The following SCFD1 variants were observed in gnomAD, a reference collection of about 807,000 sequenced individuals.
SCFD1 encodes sec1 family domain-containing protein 1.
SCFD1 carries 37 observed loss-of-function variants against 103.2 expected under a neutral mutation model. That is an observed-to-expected ratio of 0.36 (90% confidence interval 0.28 to 0.47). SCFD1 has a LOEUF of 0.47. Among genes scored for constraint, SCFD1 ranks in the 20% least tolerant of loss-of-function variants. The pLI is 1.00. For synonymous variants in SCFD1, 264 were observed against 245.0 expected (o/e 1.08, Z -0.73); for missense variants, 639 against 761.2 (o/e 0.84, Z 1.89).
upstream of SCFD1, chr14:30,622,291 AT>A: frequency 6.3e-7 from 1 of 1,591,576 alleles, no homozygotes; most frequent in Non-Finnish European, 8.5e-7. Context: ...CAGCCACGTC[AT>A]CCCCCCGCTC....
At chr14:30,717,209 C>T (rs1181211870) in intron 20 of SCFD1, among the ~76,000 whole-genome samples, 2 of 152,152 alleles carry the variant, frequency 1.3e-5, no homozygotes, top group Non-Finnish European at 2.9e-5. Flanking sequence ...GGCATGTTTG[C>T]TTATGCCTGT....
intron 14 of SCFD1, chr14:30,676,780 AAAG>A: frequency 1.3e-5 from 2 of 152,166 alleles, no homozygotes; most frequent in African/African-American, 2.4e-5. Flanking sequence ...GTTTTAAAAT[AAAG>A]AAGACTGTGG....
intron 10 of SCFD1, among the ~76,000 whole-genome samples, chr14:30,656,400 C>T (rs1422942687): frequency 6.6e-6 from 1 of 152,130 alleles, no homozygotes; most frequent in Non-Finnish European, 1.5e-5. Context: ...GATTTCTCAA[C>T]CTTGGCATTA....
At chr14:30,677,942 C>A (rs748548435) in intron 14 of SCFD1, among the ~76,000 whole-genome samples, 1 of 144,660 alleles carries the variant, frequency 6.9e-6, no homozygotes, top group African/African-American at 2.6e-5. Context: ...TGGGTTCAAG[C>A]GATTCTTCTG....
intron 11 of SCFD1, among the ~76,000 whole-genome samples, chr14:30,670,794 A>G (rs1888466319): frequency 2.6e-5 from 4 of 152,088 alleles, no homozygotes; most frequent in African/African-American, 9.6e-5. Flanking sequence ...ACTTGTGGAG[A>G]GAGTACCTAA....
In SCFD1 at chr14:30,653,481, AT is replaced by A; in HGVS notation, c.756-5del. 1 of 1,588,450 alleles carries A rather than the reference AT, an allele frequency of 6.3e-7. No individual in the cohort carries two copies. Among genetic ancestry groups the A allele is most frequent in the South Asian group, 1.1e-5 (1 of 89,938 alleles). On this transcript the variant is annotated splice_region_variant and splice_polypyrimidine_tract_variant and intron_variant, in intron 9 of 24. Coordinates refer to ENST00000458591, the MANE Select transcript of SCFD1 (RefSeq NM_016106.4). The stretch of plus-strand genomic sequence containing the variant: ...AGTTATGTAATTTTTTTATATGTAT[AT>A]TTACAGCTTCCAGAGGCCCTTATTA...
At chr14:30,640,739 C>A (rs1885189142) in intron 6 of SCFD1, among the ~76,000 whole-genome samples, 1 of 151,922 alleles carries the variant, frequency 6.6e-6, no homozygotes, top group Non-Finnish European at 1.5e-5. Context: ...ATAATTCTAA[C>A]AAGCAAAATC....
intron 20 of SCFD1, among the ~76,000 whole-genome samples, chr14:30,717,406 G>A (rs1371922703): frequency 6.6e-6 from 1 of 152,150 alleles, no homozygotes; most frequent in Non-Finnish European, 1.5e-5. Context: ...GAGCTCAGGA[G>A]GTTGAGGCTA....
intron 14 of SCFD1, among the ~76,000 whole-genome samples, chr14:30,690,621 T>C (rs1010249982): frequency 2.7e-5 from 4 of 146,128 alleles, no homozygotes; most frequent in Non-Finnish European, 5.9e-5. Flanking sequence ...GGGAACTCCC[T>C]GACCCCTTGC....
Position 30,652,867 on chromosome 14 carries a change from A to G in SCFD1, c.756-622A>G, listed in dbSNP as rs539652259. ...CTAAAAAAAATTTAAAAATTAGCCA[A>G]GAGTGGTGGTGCACACCTGGAGTCT... On this transcript the variant is annotated intron_variant, in intron 9 of 24. Coordinates refer to ENST00000458591, the MANE Select transcript of SCFD1 (RefSeq NM_016106.4). Among the ~76,000 whole-genome samples, 7 of 152,124 alleles carry G rather than the reference A, an allele frequency of 4.6e-5. No individual in the cohort carries two copies. In the South Asian group the frequency reaches 1.0e-3, roughly 23 times the overall value.
At chr14:30,702,255 A>C in intron 16 of SCFD1, 41 bp from the exon 17 acceptor site, 2 of 1,306,536 alleles carry the variant, frequency 1.5e-6, no homozygotes, top group Non-Finnish European at 1.1e-6. Context: ...ATCTTTCTTG[A>C]AAGTAAAATT....
At chr14:30,666,540 T>C (rs1476567134) in intron 10 of SCFD1, among the ~76,000 whole-genome samples, 2 of 151,656 alleles carry the variant, frequency 1.3e-5, no homozygotes, top group Non-Finnish European at 1.5e-5. Flanking sequence ...AGGCAAGAAA[T>C]AACTAAGATC....
intron 15 of SCFD1, 114 bp downstream of exon 15, chr14:30,694,983 C>A: frequency 6.8e-7 from 1 of 1,469,894 alleles, no homozygotes; most frequent in Non-Finnish European, 9.0e-7. Context: ...ATGCTAATAT[C>A]AAGATAATTA....
Position 30,660,286 on chromosome 14 carries a change from C to T in SCFD1, c.855+6698C>T, listed in dbSNP as rs559922133. Among the ~76,000 whole-genome samples, 6 of 152,162 alleles carry T rather than the reference C, an allele frequency of 3.9e-5. No homozygotes were observed. The South Asian group carries it at 8.3e-4, about 21-fold the overall frequency. ...GGCTGATTGTATCCTTTTGTATTCC[C>T]GATACTTTCTGTAAACTAATTGATT... On this transcript the variant is annotated intron_variant, in intron 10 of 24. Coordinates refer to ENST00000458591, the MANE Select transcript of SCFD1 (RefSeq NM_016106.4).
chr14:30,636,539 G>A (rs1001661249), intron 4 of SCFD1, among the ~76,000 whole-genome samples: 1 of 152,046 alleles, frequency 6.6e-6, no homozygotes, highest in African/African-American at 2.4e-5. Context: ...GCTGACCACA[G>A]ATATCTTGTT....
chr14:30,734,768 G>C, intron 23 of SCFD1, 22 bp from the exon 24 acceptor site: 1 of 1,585,674 alleles, frequency 6.3e-7, no homozygotes, highest in Non-Finnish European at 8.7e-7. Context: ...TTGTATCTAA[G>C]TTCTGACTCT....
intron 10 of SCFD1, among the ~76,000 whole-genome samples, chr14:30,654,991 C>T (rs1886762404): frequency 6.6e-6 from 1 of 152,128 alleles, no homozygotes; most frequent in Admixed American, 6.5e-5. Context: ...TATTTGAGTG[C>T]CTACTCTTTA....
chr14:30,646,562 G>A (rs1030734799), intron 7 of SCFD1, among the ~76,000 whole-genome samples: 1 of 152,050 alleles, frequency 6.6e-6, no homozygotes, highest in South Asian at 2.1e-4. Flanking sequence ...TTCATCAGGG[G>A]TATCAGACTG....
chr14:30,641,793 A>T (rs970284701), intron 6 of SCFD1, among the ~76,000 whole-genome samples: 2 of 152,172 alleles, frequency 1.3e-5, no homozygotes, highest in Non-Finnish European at 2.9e-5. Context: ...GGAGATATCC[A>T]GTTGAATTCT....
Sources: allele counts gnomAD v4.1 joint callset (sites outside exome capture counted in the v4.1 genomes callset), GRCh38; gene constraint gnomAD v4.1.1; transcripts MANE v1.5; gene names NCBI Gene and HGNC (gene_info 2026-07-23, HGNC 2026-07-21).